CD244: variants seen among roughly 807,000 people sequenced by gnomAD.
The protein encoded by CD244 is CD244 molecule, also known as natural killer cell receptor 2B4.
In CD244, 20 loss-of-function variants were observed where a neutral mutation model predicts 45.5. The ratio of observed to expected loss-of-function variants is 0.44; its 90% CI spans 0.31 to 0.64. The LOEUF is 0.64. Among genes scored for constraint, CD244 ranks in the 30% least tolerant of loss-of-function variants. The pLI, the probability that CD244 is intolerant of heterozygous loss-of-function variation, is 0.08. For synonymous variants in CD244, 185 were observed against 160.5 expected (o/e 1.15, Z -1.15); for missense variants, 407 against 426.9 (o/e 0.95, Z 0.41).
intron 8 of CD244, among the ~76,000 whole-genome samples, chr1:160,831,639 A>T (rs1344578892): frequency 6.6e-6 from 1 of 152,202 alleles, no homozygotes; most frequent in Non-Finnish European, 1.5e-5. Context: ...TCTTAACCAC[A>T]TATGCTTTTT....
At chr1:160,854,085 G>C (rs530205742) in intron 1 of CD244, among the ~76,000 whole-genome samples, 1 of 152,328 alleles carries the variant, frequency 6.6e-6, no homozygotes, top group Non-Finnish European at 1.5e-5. Context: ...TGGCTTATGG[G>C]TCTGGTAAAG....
chr1:160,837,816 G>A (rs1669385978), intron 5 of CD244, among the ~76,000 whole-genome samples: 1 of 152,216 alleles, frequency 6.6e-6, no homozygotes, highest in Non-Finnish European at 1.5e-5. Context: ...CACAGCAGTG[G>A]GGGCATCTGC....
intron 1 of CD244, chr1:160,848,465 A>T: frequency 1.8e-6 from 1 of 546,238 alleles, no homozygotes. Context: ...TGGCAAGACC[A>T]GCAAGAAGAT....
chr1:160,856,342 CTT>C (rs1307661270), intron 1 of CD244, among the ~76,000 whole-genome samples: 6 of 152,214 alleles, frequency 3.9e-5, no homozygotes, highest in Non-Finnish European at 8.8e-5. Context: ...AAGTCCCACT[CTT>C]TGCATCAGTT....
chr1:160,851,960 T>G (rs907906520), intron 1 of CD244, among the ~76,000 whole-genome samples: 4 of 152,280 alleles, frequency 2.6e-5, no homozygotes, highest in Admixed American at 2.6e-4. Context: ...AAGACAACAT[T>G]GAGAGAGTGA....
rs1669545666 is a variant in CD244 at position 160,841,634 on chromosome 1, G to A, written c.329C>T (p.Thr110Ile). Residue 110 changes from threonine to isoleucine, a missense_variant, in exon 2 of 9, where the codon ACC (threonine) becomes ATC (isoleucine). Coordinates refer to ENST00000368034, the MANE Select transcript of CD244 (RefSeq NM_016382.4). ...TGTCTGAACTTTTCCAGATATACTGGTGACCTCCAGGCAGTAGAGGCCACT... is the reference window on the plus strand; with the variant it reads ...TGTCTGAACTTTTCCAGATATACTGATGACCTCCAGGCAGTAGAGGCCACT... ...QDSGLYCLEVTSISGKVQTAT... is the reference protein window; with the variant it reads ...QDSGLYCLEVISISGKVQTAT... 1.2e-6 allele frequency: 2 copies of A among 1,614,198 alleles called. No homozygotes were observed. The highest frequency in any genetic ancestry group is 1.7e-6 in the Non-Finnish European group (2 of 1,180,044).
chr1:160,840,655 T>G (rs915936257), intron 3 of CD244, among the ~76,000 whole-genome samples: 1 of 152,194 alleles, frequency 6.6e-6, no homozygotes, highest in Admixed American at 6.5e-5. Context: ...GGTTTTTTTT[T>G]CCTATAATGC....
chr1:160,843,973 G>A (rs61803260), intron 1 of CD244, among the ~76,000 whole-genome samples: 11,345 of 152,246 alleles, frequency 0.075, 455 homozygotes, highest in Non-Finnish European at 0.091. Context: ...TCAGTGTTGA[G>A]GTTGGTACCA....
chr1:160,845,913 T>G (rs1022462962), intron 1 of CD244, among the ~76,000 whole-genome samples: 2 of 148,108 alleles, frequency 1.4e-5, no homozygotes, highest in African/African-American at 2.5e-5. Context: ...TCTCAATACA[T>G]CAAAAAAATT....
chr1:160,857,041 C>T (rs74583215), intron 1 of CD244, among the ~76,000 whole-genome samples: 6,486 of 152,312 alleles, frequency 0.043, 444 homozygotes, highest in African/African-American at 0.14. Context: ...ATGCATCTCA[C>T]ATAACTCCTA....
At position 160,847,313 on chromosome 1, in the gene CD244, T is replaced by C. The variant is rs142746035; in HGVS notation, c.62-5412A>G. 4.5e-3 allele frequency among the ~76,000 whole-genome samples: 681 copies of C among 152,062 alleles called. 6 individuals carry two copies. The highest frequency in any genetic ancestry group is 0.015 in the African/African-American group (635 of 41,516). The stretch of plus-strand genomic sequence containing the variant: ...TACAAGAAGCACACAAAAAAATCAA[T>C]AAGGCTATAAGAATTTGAAGATCAT... On this transcript the variant is annotated intron_variant, in intron 1 of 8. Transcript: ENST00000368034.
rs2101901591 is a variant in CD244 at position 160,862,735 on chromosome 1, C to T, written c.-58G>A. On this transcript the variant is annotated 5_prime_UTR_variant, in exon 1 of 9. Coordinates refer to ENST00000368034, the MANE Select transcript of CD244 (RefSeq NM_016382.4). ...CCACCCCACCAGACTCTCTGCCGTGCACGGGCTCAGCAGTCCCCAGTCAGC... is the reference window on the plus strand; with the variant it reads ...CCACCCCACCAGACTCTCTGCCGTGTACGGGCTCAGCAGTCCCCAGTCAGC... 1 of 1,536,938 alleles carries T rather than the reference C, an allele frequency of 6.5e-7. No homozygotes were observed. The highest frequency in any genetic ancestry group is 1.4e-5 in the African/African-American group (1 of 73,536).
intron 1 of CD244, among the ~76,000 whole-genome samples, chr1:160,859,257 G>C (rs1326095889): frequency 6.6e-6 from 1 of 152,194 alleles, no homozygotes; most frequent in Non-Finnish European, 1.5e-5. Flanking sequence ...AGGACCAGCA[G>C]GCAACATGGC....
intron 1 of CD244, chr1:160,848,378 G>T (rs572601561): frequency 6.0e-5 from 34 of 566,472 alleles, no homozygotes; most frequent in Non-Finnish European, 1.1e-4. Context: ...ATGGATGGAT[G>T]GCAAGCGTGT....
chr1:160,855,193 A>G (rs1462939406), intron 1 of CD244, among the ~76,000 whole-genome samples: 1 of 152,220 alleles, frequency 6.6e-6, no homozygotes, highest in African/African-American at 2.4e-5. Context: ...AGGCTGAGAT[A>G]GTGGAACAGG....
rs543251788 is a variant in CD244, at chr1:160,852,122, A to C, written c.62-10221T>G. On this transcript the variant is annotated intron_variant, in intron 1 of 8. Coordinates refer to ENST00000368034, the MANE Select transcript of CD244 (RefSeq NM_016382.4). ...ATACACTGATGACAATAATGACAAA[A>C]AAAGCAACAGACTTGGGCAGGCACT... Among the ~76,000 whole-genome samples, 6 of 152,362 alleles carry C rather than the reference A, an allele frequency of 3.9e-5. No homozygotes were observed. The South Asian group carries it at 1.2e-3, about 32-fold the overall frequency.
chr1:160,832,552 G>A lies in CD244; in HGVS notation c.984C>T (p.His328=), dbSNP rs759063509. 1 of 1,611,748 alleles carries A rather than the reference G, an allele frequency of 6.2e-7. No individual in the cohort carries two copies. The highest frequency in any genetic ancestry group is 8.5e-7 in the Non-Finnish European group (1 of 1,178,512). Residue 328 remains histidine (H), a synonymous_variant, in exon 8 of 9, where the codon CAC becomes CAT. Transcript: ENST00000368034. The stretch of plus-strand genomic sequence containing the variant: ...AGATAGTGCTATTGAAGGAAGGGCT[G>A]TGGTTCCTCTTCCTGGATCCAGACT... ...SRKSGSRKRN[H]SPSFNSTIYE...
chr1:160,841,195 G>C lies in CD244; in HGVS notation c.655+15C>G, dbSNP rs1443750084. 6.2e-7 allele frequency: 1 copy of C among 1,613,566 alleles called. No homozygotes were observed. The highest frequency in any genetic ancestry group is 2.2e-5 in the East Asian group (1 of 44,878). On this transcript the variant is annotated intron_variant, in intron 3 of 8. Transcript: ENST00000368034. ...AACCTTCAGCGCTTGTTATAGCCCA[G>C]TGTGTTCCACTTACCCTGATGGGCA... is the stretch of plus-strand genomic sequence containing the variant.
chr1:160,851,507 T>A (rs1441784483), intron 1 of CD244, among the ~76,000 whole-genome samples: 2 of 152,190 alleles, frequency 1.3e-5, no homozygotes, highest in Non-Finnish European at 1.5e-5. Context: ...AAAAAAACCT[T>A]GATATCTCCC....
Sources: gnomAD v4.1 joint callset for allele counts (sites outside exome capture counted in the v4.1 genomes callset) on GRCh38, gnomAD v4.1.1 for gene constraint, MANE v1.5 for transcripts, NCBI Gene and HGNC (gene_info 2026-07-23, HGNC 2026-07-21) for gene names.